PAQR8: variants seen among roughly 807,000 people sequenced by gnomAD.
PAQR8 encodes progestin and adipoQ receptor family member 8, also known as membrane progestin receptor beta.
PAQR8 carries 17 observed loss-of-function variants against 25.2 expected under a neutral mutation model. The ratio of observed to expected loss-of-function variants is 0.67; its 90% CI spans 0.46 to 1.01. The LOEUF is 1.01. Among genes scored for constraint, PAQR8 ranks in the 50% least tolerant of loss-of-function variants. PAQR8 has a pLI of 0.00. For synonymous variants in PAQR8, 204 were observed against 190.6 expected (o/e 1.07, Z -0.58); for missense variants, 392 against 448.4 (o/e 0.87, Z 1.14).
At position 52,403,336 on chromosome 6, in the gene PAQR8, T is replaced by A; in HGVS notation, c.123T>A (p.Asp41Glu). 1.2e-6 allele frequency: 2 copies of A among 1,614,242 alleles called. No individual in the cohort carries two copies. Among genetic ancestry groups the A allele is most frequent in the Non-Finnish European group, 1.7e-6 (2 of 1,180,042 alleles). Residue 41 changes from aspartate (D) to glutamate (E), a missense_variant, in exon 2 of 2, where the codon GAT (aspartate) becomes GAA (glutamate). Physicochemically the swap from Asp to Glu is conservative, Grantham distance 45. Coordinates refer to ENST00000442253, the MANE Select transcript of PAQR8 (RefSeq NM_133367.5). ...TGCCTTGCACTGTCCCAGAAACGGA[T>A]GTGCCCCAGCTCTTCCGGGAGCCTT... ...PKMPCTVPET[D>E]VPQLFREPYI...
At chr6:52,398,204 C>CTTTTTTTTTT (rs869285681) in intron 1 of PAQR8, among the ~76,000 whole-genome samples, 1 of 85,820 alleles carries the variant, frequency 1.2e-5, no homozygotes, top group Non-Finnish European at 2.0e-5. Flanking sequence ...TTTCTTTTTT[C>CTTTTTTTTTT]TTTTTTTTTT....
At chr6:52,375,244 C>G (rs1472571988) in intron 1 of PAQR8, among the ~76,000 whole-genome samples, 3 of 152,022 alleles carry the variant, frequency 2.0e-5, no homozygotes, top group Admixed American at 6.6e-5. Flanking sequence ...CCTCTAAACT[C>G]CAGTCCAGGC....
intron 1 of PAQR8, among the ~76,000 whole-genome samples, chr6:52,376,836 T>G (rs78191595): frequency 0.012 from 1,846 of 152,340 alleles, 32 homozygotes; most frequent in African/African-American, 0.042. Context: ...TTGAATTCTC[T>G]GGAGGGATGA....
chr6:52,401,725 C>G (rs1763832441), intron 1 of PAQR8, among the ~76,000 whole-genome samples: 1 of 152,090 alleles, frequency 6.6e-6, no homozygotes, highest in Non-Finnish European at 1.5e-5. Flanking sequence ...AGTCAATTTG[C>G]CTGTCTTAAA....
intron 1 of PAQR8, among the ~76,000 whole-genome samples, chr6:52,389,650 G>T (rs1384343389): frequency 6.6e-6 from 1 of 152,222 alleles, no homozygotes; most frequent in African/African-American, 2.4e-5. Context: ...AAATAAAATT[G>T]CTGGGTCTTA....
intron 1 of PAQR8, among the ~76,000 whole-genome samples, chr6:52,389,963 C>T (rs1439288267): frequency 2.0e-5 from 3 of 152,122 alleles, no homozygotes; most frequent in South Asian, 2.1e-4. Context: ...CTAACGAAGC[C>T]GATAGTTACA....
At chr6:52,364,569 G>A (rs1562425474) in intron 1 of PAQR8, among the ~76,000 whole-genome samples, 1 of 152,184 alleles carries the variant, frequency 6.6e-6, no homozygotes, top group Non-Finnish European at 1.5e-5. Context: ...TCACTACTGA[G>A]AATAATTTTG....
At chr6:52,398,824 G>C (rs960068030) in intron 1 of PAQR8, among the ~76,000 whole-genome samples, 2 of 152,194 alleles carry the variant, frequency 1.3e-5, no homozygotes, top group Non-Finnish European at 2.9e-5. Context: ...AAAGTGCTGG[G>C]ATTTACAGGC....
rs144826376 is a variant in PAQR8 at position 52,403,532 on chromosome 6, A to G, written c.319A>G (p.Thr107Ala). The G allele has an allele frequency of 7.1e-4, 1,139 of 1,613,988 alleles. No homozygotes were observed. Among genetic ancestry groups the G allele is most frequent in the Middle Eastern group, 1.6e-3 (10 of 6,062 alleles). ...GGCTGAGGCCTTGCCATGGGCGTCT[A>G]CCCACTCCCTGCCTCTGCTCCTCTT... Reference protein sequence around the residue: ...AEAEALPWASTHSLPLLLFIL... With the variant: ...AEAEALPWASAHSLPLLLFIL... Residue 107 changes from threonine (T) to alanine (A), a missense_variant, in exon 2 of 2, where the codon ACC (threonine) becomes GCC (alanine). By Grantham distance (58) the Thr-to-Ala change is moderately conservative (BLOSUM62 0). Transcript: ENST00000442253.
In PAQR8 at chr6:52,365,264, G is replaced by T. The variant is rs58162410; in HGVS notation, c.-53+3015G>T. Among the ~76,000 whole-genome samples, 1,897 of 152,156 alleles carry T rather than the reference G, an allele frequency of 0.012. 93 individuals carry two copies. The East Asian group carries it at 0.18, about 14-fold the overall frequency. ...ATTTCTGAACATTCATTTCAACTTTGGGATTTCATGGCACACAGTAAAAAA... is the reference window on the plus strand; with the variant it reads ...ATTTCTGAACATTCATTTCAACTTTTGGATTTCATGGCACACAGTAAAAAA... On this transcript the variant is annotated intron_variant, in intron 1 of 1. Transcript: ENST00000442253.
At position 52,403,960 on chromosome 6, in the gene PAQR8, C is replaced by T; in HGVS notation, c.747C>T (p.Thr249=). The T allele has an allele frequency of 6.2e-7, 1 of 1,614,204 alleles. No homozygotes were observed. Among genetic ancestry groups the T allele is most frequent in the Non-Finnish European group, 8.5e-7 (1 of 1,180,028 alleles). The change falls in exon 2 of 2, where the codon ACC becomes ACT. Residue 249 remains threonine, a synonymous_variant. Transcript: ENST00000442253. ...GCQEQAAWYH[T]LQILFFLVSA... The stretch of plus-strand genomic sequence containing the variant: ...AGGAGCAAGCAGCCTGGTACCACAC[C>T]CTCCAGATCCTCTTCTTCCTGGTTA...
In PAQR8 at chr6:52,405,311, G is replaced by A. The variant is rs776578695; in HGVS notation, c.*1033G>A. 6.0e-6 allele frequency: 1 copy of A among 167,058 alleles called. No homozygotes were observed. The highest frequency in any genetic ancestry group is 2.4e-5 in the African/African-American group (1 of 41,434). The allele number at this position is 167,058 out of a possible 1,614,324, so 10.3% of individuals were successfully genotyped here. On this transcript the variant is annotated 3_prime_UTR_variant, in exon 2 of 2. Coordinates refer to ENST00000442253, the MANE Select transcript of PAQR8 (RefSeq NM_133367.5). ...GCCTCCTACATAGATGCTGCCCCACGAAGGACCCACAAAACTAACCTAGTT... is the reference window on the plus strand; with the variant it reads ...GCCTCCTACATAGATGCTGCCCCACAAAGGACCCACAAAACTAACCTAGTT...
chr6:52,378,914 T>C (rs960087675), intron 1 of PAQR8, among the ~76,000 whole-genome samples: 5 of 151,816 alleles, frequency 3.3e-5, no homozygotes, highest in Middle Eastern at 3.4e-3. Context: ...CTAACTGATA[T>C]GGTGAAACCC....
chr6:52,405,138 C>T lies in PAQR8; in HGVS notation c.*860C>T, dbSNP rs10484875. On this transcript the variant is annotated 3_prime_UTR_variant, in exon 2 of 2. Transcript: ENST00000442253. Reference sequence around the variant, plus strand: ...GACTACAGGATTACTTGAGAGTTATCAGGGCTGCCTAACAGACCAGGAGAT... The same window carrying T: ...GACTACAGGATTACTTGAGAGTTATTAGGGCTGCCTAACAGACCAGGAGAT... 15,972 of 167,138 alleles carry T rather than the reference C, an allele frequency of 0.096. 1,003 individuals are homozygous for T. The highest frequency in any genetic ancestry group is 0.15 in the Middle Eastern group (45 of 296). The allele number at this position is 167,138 out of a possible 1,614,324, so 10.4% of individuals were successfully genotyped here.
At chr6:52,376,255 G>A (rs180701183) in intron 1 of PAQR8, among the ~76,000 whole-genome samples, 133 of 152,296 alleles carry the variant, frequency 8.7e-4, no homozygotes, top group Non-Finnish European at 3.2e-4. Context: ...AGGCCAGTCC[G>A]TAGTCACCAA....
Position 52,404,349 on chromosome 6 carries a change from G to T in PAQR8, c.*71G>T. 3 of 1,346,924 alleles carry T rather than the reference G, an allele frequency of 2.2e-6. No individual in the cohort carries two copies. The highest frequency in any genetic ancestry group is 3.0e-6 in the Non-Finnish European group (3 of 1,000,606). The allele number at this position is 1,346,924 out of a possible 1,614,324, so 83.4% of individuals were successfully genotyped here. Reference sequence around the variant, plus strand: ...GAGAAAACTTGATACAATAGAAGCTGACTTTTAAGGCATTGGCTTTTAAAT... The same window carrying T: ...GAGAAAACTTGATACAATAGAAGCTTACTTTTAAGGCATTGGCTTTTAAAT... On this transcript the variant is annotated 3_prime_UTR_variant, in exon 2 of 2. Transcript: ENST00000442253.
intron 1 of PAQR8, among the ~76,000 whole-genome samples, chr6:52,400,948 C>A (rs1205762829): frequency 6.6e-6 from 1 of 152,254 alleles, no homozygotes; most frequent in African/African-American, 2.4e-5. Flanking sequence ...TTACTACGCA[C>A]TTACCTTGGG....
rs1763908573 is a variant in PAQR8, at chr6:52,406,315, A to C, written c.*2037A>C. The C allele has an allele frequency of 2.4e-6, 1 of 409,526 alleles. No homozygotes were observed. The highest frequency in any genetic ancestry group is 3.6e-5 in the East Asian group (1 of 27,864). The allele number at this position is 409,526 out of a possible 1,614,324, so 25.4% of individuals were successfully genotyped here. On this transcript the variant is annotated 3_prime_UTR_variant, in exon 2 of 2. Transcript: ENST00000442253. ...AAGGGAGGGAAGAGAGCAGAAGGGAAGAAGGTGTAAGTCAAGCTCTTGAAT... is the reference window on the plus strand; with the variant it reads ...AAGGGAGGGAAGAGAGCAGAAGGGACGAAGGTGTAAGTCAAGCTCTTGAAT...
intron 1 of PAQR8, among the ~76,000 whole-genome samples, chr6:52,376,623 C>A (rs893309866): frequency 2.6e-5 from 4 of 152,076 alleles, no homozygotes; most frequent in African/African-American, 9.7e-5. Context: ...AAAGTATTTT[C>A]TAAAAATTAG....
Sources: allele counts gnomAD v4.1 joint callset (sites outside exome capture counted in the v4.1 genomes callset), GRCh38; gene constraint gnomAD v4.1.1; transcripts MANE v1.5; gene names NCBI Gene and HGNC (gene_info 2026-07-23, HGNC 2026-07-21).